The following LITAF variants were observed in gnomAD, a reference collection of about 807,000 sequenced individuals.
LITAF encodes the protein lipopolysaccharide-induced tumor necrosis factor-alpha factor.
Under a neutral mutation model 14.5 loss-of-function variants are expected in LITAF, and 9 were observed. The ratio of observed to expected loss-of-function variants is 0.62; its 90% CI spans 0.37 to 1.08. LITAF has a LOEUF of 1.08. LITAF is among the 50% of genes least tolerant of loss of function. The pLI, the probability that LITAF is intolerant of heterozygous loss-of-function variation, is 0.01. For missense variants in LITAF, 206 were observed against 213.4 expected (o/e 0.97, Z 0.22); for synonymous variants, 98 against 88.2 (o/e 1.11, Z -0.62).
rs2064992544 is a variant in LITAF at position 11,613,036 on chromosome 16, A to G, written c.85+20497T>C. ...TAGGTTTTTCTTTGGATTTTTTTTT[A>G]TTTGTTTTTTGGGGTTTGTTTTAGA... On this transcript the variant is annotated intron_variant, in intron 3 of 3. Coordinates refer to the LITAF transcript ENST00000574848. 2.6e-5 allele frequency among the ~76,000 whole-genome samples: 4 copies of G among 151,214 alleles called. No individual in the cohort carries two copies. In the South Asian group the frequency reaches 8.4e-4, roughly 32 times the overall value.
At chr16:11,589,233 C>T (rs1205154590), upstream of LITAF, among the ~76,000 whole-genome samples, 1 of 152,032 alleles carries the variant, frequency 6.6e-6, no homozygotes, top group Non-Finnish European at 1.5e-5. Flanking sequence ...TGAAGAAATC[C>T]AATAATGCTT....
chr16:11,628,561 T>C (rs1253058330), intron 3 of LITAF, among the ~76,000 whole-genome samples: 1 of 152,218 alleles, frequency 6.6e-6, no homozygotes, highest in African/African-American at 2.4e-5. Context: ...TGGAGTGCAG[T>C]GGCACGATCA....
At position 11,549,346 on chromosome 16, in the gene LITAF, G is replaced by A. The variant is rs1428688621; in HGVS notation, c.*291C>T. Reference sequence around the variant, plus strand: ...AGATCACAGGAAGATATTCGGATAGGGCAATGATCACAGTTAGATGGCAGG... The same window carrying A: ...AGATCACAGGAAGATATTCGGATAGAGCAATGATCACAGTTAGATGGCAGG... On this transcript the variant is annotated 3_prime_UTR_variant, in exon 4 of 4. Coordinates refer to ENST00000622633, the MANE Select transcript of LITAF (RefSeq NM_001136472.2). The surrounding 1 kb of genome is among the most constrained non-coding windows in gnomAD (Gnocchi z 4.6). The A allele has an allele frequency of 2.1e-6, 1 of 487,752 alleles. No individual in the cohort carries two copies. Among genetic ancestry groups the A allele is most frequent in the African/African-American group, 1.9e-5 (1 of 51,452 alleles). 30.2% of individuals were successfully genotyped at this position (487,752 alleles called of 1,614,324 possible).
intron 3 of LITAF, among the ~76,000 whole-genome samples, chr16:11,626,843 CT>C (rs2065086940): frequency 6.6e-6 from 1 of 152,046 alleles, no homozygotes; most frequent in East Asian, 1.9e-4. Context: ...AAATTTATTT[CT>C]TCTTTTTTTT....
rs9282774 is a variant in LITAF, at chr16:11,553,676, C to T, written c.234G>A (p.Thr78=). 0.012 allele frequency: 19,875 copies of T among 1,614,036 alleles called. 153 individuals are homozygous for T. The highest frequency in any genetic ancestry group is 0.024 in the Middle Eastern group (148 of 6,062). The change falls in exon 3 of 4, where the codon ACG becomes ACA. Residue 78 remains threonine, a synonymous_variant. Coordinates refer to ENST00000622633, the MANE Select transcript of LITAF (RefSeq NM_001136472.2). This position sits in a 1 kb window ranked among gnomAD's most constrained non-coding sequence, Gnocchi z 7.7. ...AGGTGATGGGGTGCTGCACGTAGAC[C>T]GTCTGCACGGTAACTGATGAAAGGG... is the stretch of plus-strand genomic sequence containing the variant. ...IPNNNPITVQ[T]VYVQHPITFL...
chr16:11,627,274 G>A (rs1035123894), intron 3 of LITAF, among the ~76,000 whole-genome samples: 3 of 152,218 alleles, frequency 2.0e-5, no homozygotes, highest in African/African-American at 7.2e-5. Context: ...TACAAGGCTG[G>A]TGAGATGAAA....
At chr16:11,564,137 T>A (rs144018175) in intron 1 of LITAF, among the ~76,000 whole-genome samples, 1 of 152,180 alleles carries the variant, frequency 6.6e-6, no homozygotes, top group African/African-American at 2.4e-5. Context: ...CTCGAACTCC[T>A]GACCTCAAGT....
At chr16:11,584,305 C>G (rs1247114926) in intron 1 of LITAF, 1 of 152,114 alleles carries the variant, frequency 6.6e-6, no homozygotes, top group Non-Finnish European at 1.5e-5. Flanking sequence ...CTCTTTTTTC[C>G]ACCCTCACTG....
At chr16:11,567,297 G>A (rs1045134040) in intron 1 of LITAF, among the ~76,000 whole-genome samples, 4 of 152,112 alleles carry the variant, frequency 2.6e-5, no homozygotes, top group African/African-American at 9.7e-5. Context: ...GCACACGCCT[G>A]TAATCCTAGC....
intron 3 of LITAF, among the ~76,000 whole-genome samples, chr16:11,613,329 G>A (rs2064994681): frequency 6.6e-6 from 1 of 152,118 alleles, no homozygotes; most frequent in Admixed American, 6.6e-5. Context: ...GGAGAGAGAC[G>A]GGACACTCGC....
At chr16:11,560,570 G>A (rs1416592995) in intron 1 of LITAF, among the ~76,000 whole-genome samples, 3 of 131,704 alleles carry the variant, frequency 2.3e-5, no homozygotes, top group Non-Finnish European at 3.2e-5. Context: ...GCCACAGAGC[G>A]AGATTCCATC....
intron 3 of LITAF, chr16:11,551,941 T>C: frequency 2.2e-6 from 1 of 453,682 alleles, no homozygotes; most frequent in Non-Finnish European, 3.9e-6. Context: ...TTTAAGCATT[T>C]TCTGCCCACA....
At position 11,611,276 on chromosome 16, in the gene LITAF, G is replaced by A. The variant is rs376107507; in HGVS notation, c.85+22257C>T. 8.5e-5 allele frequency among the ~76,000 whole-genome samples: 13 copies of A among 152,212 alleles called. 1 individual carries two copies. Among genetic ancestry groups the A allele is most frequent in the Middle Eastern group, 3.4e-3 (1 of 294 alleles). ...GAGGATGAATTGAGCCCAGGAGTTC[G>A]AGGCTGCAATGAGCCACGATCACCC... On this transcript the variant is annotated intron_variant, in intron 3 of 3. Coordinates refer to the LITAF transcript ENST00000574848.
At chr16:11,584,502 A>G (rs1310784976) in intron 1 of LITAF, among the ~76,000 whole-genome samples, 1 of 152,000 alleles carries the variant, frequency 6.6e-6, no homozygotes, top group Non-Finnish European at 1.5e-5. Flanking sequence ...CTCTCAGTGG[A>G]TTTTCCATTT....
upstream of LITAF, among the ~76,000 whole-genome samples, chr16:11,639,061 G>A (rs2065154202): frequency 6.6e-6 from 1 of 152,140 alleles, no homozygotes; most frequent in African/African-American, 2.4e-5. Flanking sequence ...TAGAGAGAGG[G>A]ATAGAGGGAT....
intron 1 of LITAF, among the ~76,000 whole-genome samples, chr16:11,577,255 T>C (rs968321474): frequency 6.6e-6 from 1 of 152,008 alleles, no homozygotes; most frequent in Non-Finnish European, 1.5e-5. Flanking sequence ...CCTGTGCCCA[T>C]ATGGCACATC....
At chr16:11,582,615 C>T (rs1026308209) in intron 1 of LITAF, among the ~76,000 whole-genome samples, 4 of 152,230 alleles carry the variant, frequency 2.6e-5, no homozygotes, top group South Asian at 2.1e-4. Context: ...ATATGTATAT[C>T]GCAGAAATGA....
chr16:11,556,369 TG>T, intron 2 of LITAF, 141 bp downstream of exon 2: 1 of 669,000 alleles, frequency 1.5e-6, no homozygotes, highest in Non-Finnish European at 2.6e-6. Context: ...AGACTGCGTG[TG>T]GAATTTCAAG....
At chr16:11,615,660 T>C (rs1233746456) in intron 3 of LITAF, among the ~76,000 whole-genome samples, 1 of 152,148 alleles carries the variant, frequency 6.6e-6, no homozygotes, top group Non-Finnish European at 1.5e-5. Flanking sequence ...AGAGTGAGAC[T>C]ATGTCTTTAA....
Sources: allele counts gnomAD v4.1 joint callset (sites outside exome capture counted in the v4.1 genomes callset), GRCh38; gene constraint gnomAD v4.1.1; non-coding constraint Gnocchi (gnomAD v3.1); transcripts MANE v1.5; gene names NCBI Gene and HGNC (gene_info 2026-07-23, HGNC 2026-07-21).